Variants in SMCO2 observed in about 807,000 individuals in gnomAD.
The protein encoded by SMCO2 is single-pass membrane protein with coiled-coil domains 2, also known as single-pass membrane and coiled-coil domain-containing protein 2.
SMCO2 carries 25 observed loss-of-function variants against 29.5 expected under a neutral mutation model. That is an observed-to-expected ratio of 0.85 (90% CI 0.62 to 1.18). SMCO2 has a LOEUF of 1.18. Ranked by LOEUF, SMCO2 falls within the 50% of genes most tolerant of loss-of-function variation. The pLI is 0.00. For synonymous variants in SMCO2, 117 were observed against 123.3 expected (o/e 0.95, Z 0.34); for missense variants, 348 against 344.5 (o/e 1.01, Z -0.08).
intron 4 of SMCO2, among the ~76,000 whole-genome samples, chr12:27,485,647 G>A (rs908755968): frequency 3.9e-5 from 6 of 151,914 alleles, no homozygotes; most frequent in Non-Finnish European, 5.9e-5. Context: ...GGGTTTCACC[G>A]TGTTGGCCGG....
chr12:27,487,753 CTTTTTT>C (rs143131425), intron 4 of SMCO2, among the ~76,000 whole-genome samples: 1 of 129,452 alleles, frequency 7.7e-6, no homozygotes. Flanking sequence ...TCTTTTCTTT[CTTTTTT>C]TTTTTTTTTT....
At chr12:27,473,039 G>T in intron 3 of SMCO2, 164 bp downstream of exon 3, 2 of 582,668 alleles carry the variant, frequency 3.4e-6, no homozygotes, top group Non-Finnish European at 6.0e-6. Flanking sequence ...CAGGGAATAT[G>T]GCATTGTTCC....
chr12:27,458,966 T>A, the SMCO2 span, among the ~76,000 whole-genome samples: 1 of 148,836 alleles, frequency 6.7e-6, no homozygotes, highest in Non-Finnish European at 1.5e-5. Flanking sequence ...GGCGGGCAGA[T>A]CACGATGTCA....
At chr12:27,441,716 A>G in the SMCO2 span, among the ~76,000 whole-genome samples, 1 of 152,206 alleles carries the variant, frequency 6.6e-6, no homozygotes, top group Non-Finnish European at 1.5e-5. Flanking sequence ...TACACACTAT[A>G]TCTAATAGGC....
chr12:27,475,174 C>G (rs533381730), intron 4 of SMCO2, among the ~76,000 whole-genome samples: 9 of 152,142 alleles, frequency 5.9e-5, no homozygotes, highest in African/African-American at 1.9e-4. Context: ...ATATTTAAGC[C>G]TTCTCAGATA....
At chr12:27,475,817 TA>T in intron 4 of SMCO2, 86 bp downstream of exon 5, 1 of 1,281,978 alleles carries the variant, frequency 7.8e-7, no homozygotes. Flanking sequence ...CTTAAGATGA[TA>T]AAGTCTTTAG....
intron 1 of SMCO2, 105 bp from the exon 2 acceptor site, chr12:27,470,517 T>TA: frequency 7.6e-7 from 1 of 1,310,230 alleles, no homozygotes; most frequent in Non-Finnish European, 1.0e-6. Flanking sequence ...GGGGAGGAAT[T>TA]AAAGCCAAAT....
rs370905 is a variant in SMCO2, at chr12:27,488,607, C to T, written c.450+60C>T. 6.1e-5 allele frequency: 77 copies of T among 1,263,274 alleles called. No individual in the cohort carries two copies. The African/African-American group carries it at 1.1e-3, about 18-fold the overall frequency. The allele number at this position is 1,263,274 out of a possible 1,614,324, so 78.3% of individuals were successfully genotyped here. The stretch of plus-strand genomic sequence containing the variant: ...GGGATTTCTGTCACTTCTTTCCCTA[C>T]TACCTTTCTATTGTTAATAGGCAAT... On this transcript the variant is annotated intron_variant, in intron 5 of 7. Coordinates refer to ENST00000298876, the Ensembl canonical transcript of SMCO2.
intron 7 of SMCO2, among the ~76,000 whole-genome samples, chr12:27,501,027 T>C (rs1943068655): frequency 6.6e-6 from 1 of 150,672 alleles, no homozygotes; most frequent in Non-Finnish European, 1.5e-5. Context: ...ATATAATACA[T>C]TTATAACTAG....
the SMCO2 span, among the ~76,000 whole-genome samples, chr12:27,433,836 T>C: frequency 1.3e-5 from 2 of 152,216 alleles, no homozygotes; most frequent in Admixed American, 6.5e-5. Flanking sequence ...AAAATATTTC[T>C]TCTCAAGAGG....
the SMCO2 span, among the ~76,000 whole-genome samples, chr12:27,449,301 G>A: frequency 1.3e-5 from 2 of 152,244 alleles, no homozygotes; most frequent in Admixed American, 6.5e-5. Flanking sequence ...AACAACATTT[G>A]GATGAACAAA....
At chr12:27,442,456 C>G in the SMCO2 span, among the ~76,000 whole-genome samples, 1 of 151,948 alleles carries the variant, frequency 6.6e-6, no homozygotes, top group Non-Finnish European at 1.5e-5. Flanking sequence ...CTAGAAGAAA[C>G]AGACAAACTC....
chr12:27,458,467 A>G, the SMCO2 span, among the ~76,000 whole-genome samples: 3 of 152,238 alleles, frequency 2.0e-5, no homozygotes, highest in African/African-American at 4.8e-5. Context: ...AGGGTAAATA[A>G]AGGTTTTTTA....
chr12:27,464,716 C>CAAAAAAAAA (rs767874837), upstream of SMCO2, among the ~76,000 whole-genome samples: 1 of 46,130 alleles, frequency 2.2e-5, no homozygotes, highest in Non-Finnish European at 4.1e-5. Context: ...GACCCTGTCT[C>CAAAAAAAAA]AAAAAAAAAA....
At chr12:27,469,927 T>G (rs1949527681) in intron 1 of SMCO2, among the ~76,000 whole-genome samples, 1 of 152,216 alleles carries the variant, frequency 6.6e-6, no homozygotes, top group African/African-American at 2.4e-5. Flanking sequence ...TAGTTAAACC[T>G]TTAGGAAAGC....
At chr12:27,465,598 A>C (rs965234199), upstream of SMCO2, among the ~76,000 whole-genome samples, 1 of 152,212 alleles carries the variant, frequency 6.6e-6, no homozygotes, top group African/African-American at 2.4e-5. Flanking sequence ...ATTGCCATAA[A>C]AATCATGCCT....
chr12:27,459,554 C>A, the SMCO2 span, among the ~76,000 whole-genome samples: 2 of 152,174 alleles, frequency 1.3e-5, no homozygotes, highest in Non-Finnish European at 2.9e-5. Flanking sequence ...ATAACCTGTA[C>A]ACACAACCTC....
chr12:27,491,937 C>T (rs867612166), intron 5 of SMCO2, among the ~76,000 whole-genome samples: 3 of 151,916 alleles, frequency 2.0e-5, no homozygotes, highest in South Asian at 2.1e-4. Flanking sequence ...CTTGAACTCC[C>T]GACCTCAAGC....
chr12:27,431,607 T>C, the SMCO2 span, among the ~76,000 whole-genome samples: 1 of 152,166 alleles, frequency 6.6e-6, no homozygotes. Flanking sequence ...GGCTGCATAA[T>C]ATTCCATTGT....
Sources: gnomAD v4.1 joint callset for allele counts (sites outside exome capture counted in the v4.1 genomes callset) on GRCh38, gnomAD v4.1.1 for gene constraint, MANE v1.5 for transcripts, NCBI Gene and HGNC (gene_info 2026-07-23, HGNC 2026-07-21) for gene names.